The following FBXW11 variants were observed in gnomAD, a reference collection of about 807,000 sequenced individuals.
The protein encoded by FBXW11 is F-box/WD repeat-containing protein 11.
A neutral mutation model predicts 77.6 loss-of-function variants in FBXW11; 19 were observed. The ratio of observed to expected loss-of-function variants is 0.24; its 90% CI spans 0.17 to 0.36. The LOEUF (loss-of-function observed/expected upper bound fraction) is 0.36, where lower values mean the gene tolerates loss of function less well. Ranked by LOEUF, FBXW11 falls within the 10% of genes least tolerant of loss-of-function variation. The pLI is 1.00. For missense variants in FBXW11, 334 were observed against 704.2 expected, an observed-to-expected ratio of 0.47 and a Z score of 5.95; for synonymous variants, 235 against 249.4, an observed-to-expected ratio of 0.94 and a Z score of 0.54.
chr5:171,967,883 T>TATACAC (rs1244744249), intron 1 of FBXW11, among the ~76,000 whole-genome samples: 16 of 74,970 alleles, frequency 2.1e-4, no homozygotes, highest in African/African-American at 3.6e-4. Flanking sequence ...TATATATATA[T>TATACAC]ACACACACAC....
intron 13 of FBXW11, among the ~76,000 whole-genome samples, chr5:171,866,358 C>A (rs539493723): frequency 6.6e-6 from 1 of 151,972 alleles, no homozygotes; most frequent in South Asian, 2.1e-4. Flanking sequence ...AAGAGACAAA[C>A]ACATTTGTGG....
At chr5:171,889,242 CT>C (rs1479341359) in intron 7 of FBXW11, among the ~76,000 whole-genome samples, 1 of 152,108 alleles carries the variant, frequency 6.6e-6, no homozygotes, top group Non-Finnish European at 1.5e-5. Context: ...AAATTAAAAT[CT>C]TCTGTCAAGT....
chr5:171,972,550 CTT>C (rs1192771354), intron 1 of FBXW11, among the ~76,000 whole-genome samples: 1 of 105,124 alleles, frequency 9.5e-6, no homozygotes, highest in Non-Finnish European at 2.0e-5. Flanking sequence ...AGGACTAAAA[CTT>C]TTTTTTTTTT....
At chr5:171,878,494 G>A (rs975720062) in intron 7 of FBXW11, among the ~76,000 whole-genome samples, 1 of 151,876 alleles carries the variant, frequency 6.6e-6, no homozygotes, top group Admixed American at 6.6e-5. Flanking sequence ...CAGAAGGATC[G>A]CTTGAGCCCA....
rs1251076406 is a variant in FBXW11 at position 171,876,733 on chromosome 5, T to C, written c.972-199A>G. 2.6e-5 allele frequency among the ~76,000 whole-genome samples: 4 copies of C among 152,212 alleles called. No homozygotes were observed. Among genetic ancestry groups the C allele is most frequent in the Non-Finnish European group, 5.9e-5 (4 of 68,030 alleles). ...TTGGGTCATGGTGGTGTATCACTCA[T>C]GAATGGCTTGGTGCCATTCTCATAG... On this transcript the variant is annotated intron_variant, in intron 8 of 13. Transcript: ENST00000517395. The surrounding 1 kb of genome is among the most constrained non-coding windows in gnomAD (Gnocchi z 4.2).
intron 4 of FBXW11, among the ~76,000 whole-genome samples, chr5:171,906,911 T>A (rs1456653226): frequency 6.6e-6 from 1 of 152,180 alleles, no homozygotes; most frequent in Non-Finnish European, 1.5e-5. Flanking sequence ...TGGCTTATCA[T>A]CCTTTCTTGG....
chr5:171,878,603 A>AGAGAGTGTGTGTGT (rs138423567), intron 7 of FBXW11, among the ~76,000 whole-genome samples: 1 of 128,582 alleles, frequency 7.8e-6, no homozygotes, highest in African/African-American at 2.9e-5. Flanking sequence ...AGAGAGAGAG[A>AGAGAGTGTGTGTGT]GTGTGTGTGT....
At chr5:171,960,590 C>G (rs1182939359) in intron 1 of FBXW11, among the ~76,000 whole-genome samples, 8 of 152,106 alleles carry the variant, frequency 5.3e-5, no homozygotes, top group Admixed American at 5.2e-4. Flanking sequence ...TTTTAAAAGG[C>G]AATTTTTCAC....
chr5:171,909,918 T>C (rs1299055573), intron 4 of FBXW11, among the ~76,000 whole-genome samples: 5 of 152,128 alleles, frequency 3.3e-5, no homozygotes, highest in African/African-American at 9.7e-5. Context: ...ATACAAACTA[T>C]GTTTGAAGGG....
rs79285183 is a variant in FBXW11, at chr5:171,911,121, A to T, written c.211-324T>A. 7.2e-4 allele frequency among the ~76,000 whole-genome samples: 110 copies of T among 152,354 alleles called. No individual in the cohort carries two copies. The East Asian group carries it at 0.017, about 23-fold the overall frequency. On this transcript the variant is annotated intron_variant, in intron 3 of 13. Coordinates refer to ENST00000517395, the MANE Select transcript of FBXW11 (RefSeq NM_001378974.1). Reference sequence around the variant, plus strand: ...ATACACGGGATATATATGAATTATCATCTCCAAAGATAGCTAATGCTGGAG... The same window carrying T: ...ATACACGGGATATATATGAATTATCTTCTCCAAAGATAGCTAATGCTGGAG...
intron 1 of FBXW11, among the ~76,000 whole-genome samples, chr5:171,989,400 T>A (rs915282280): frequency 2.0e-5 from 3 of 152,260 alleles, no homozygotes; most frequent in African/African-American, 7.2e-5. Context: ...GCATTGCTCA[T>A]AACGGGATAA....
intron 1 of FBXW11, chr5:171,997,006 T>A: frequency 7.8e-7 from 1 of 1,289,880 alleles, no homozygotes; most frequent in South Asian, 1.2e-5. Flanking sequence ...TTCCGTTTAC[T>A]GTATCCAGCT....
chr5:171,939,017 C>T (rs1301043037), intron 2 of FBXW11, among the ~76,000 whole-genome samples: 2 of 151,922 alleles, frequency 1.3e-5, no homozygotes, highest in Non-Finnish European at 2.9e-5. Flanking sequence ...AGGTGGATCA[C>T]GAGGTCAGGA....
At chr5:171,954,085 T>C (rs1763495715) in intron 2 of FBXW11, among the ~76,000 whole-genome samples, 1 of 152,086 alleles carries the variant, frequency 6.6e-6, no homozygotes. Context: ...ACTAACACTC[T>C]CCCCCAGCTG....
At chr5:171,914,260 G>C in intron 3 of FBXW11, 83 bp downstream of exon 3, 1 of 1,159,046 alleles carries the variant, frequency 8.6e-7, no homozygotes, top group South Asian at 1.6e-5. Context: ...CTTGGCTCTT[G>C]ATTCCACTGA....
At chr5:171,897,761 G>GA (rs944623871) in intron 6 of FBXW11, among the ~76,000 whole-genome samples, 120 of 141,078 alleles carry the variant, frequency 8.5e-4, no homozygotes, top group South Asian at 3.2e-3. Flanking sequence ...CTCATCAAGT[G>GA]AAAAAAAAAA....
chr5:171,924,734 G>A (rs774065281), intron 2 of FBXW11, among the ~76,000 whole-genome samples: 1 of 152,094 alleles, frequency 6.6e-6, no homozygotes, highest in Non-Finnish European at 1.5e-5. Flanking sequence ...GATTAAATGA[G>A]CTGTAACATA....
chr5:171,985,773 G>A (rs544347047), intron 1 of FBXW11, among the ~76,000 whole-genome samples: 8 of 151,804 alleles, frequency 5.3e-5, no homozygotes, highest in African/African-American at 1.7e-4. Flanking sequence ...ACCCTGTACC[G>A]AAAAATAAAA....
At chr5:171,937,015 G>A (rs1036979652) in intron 2 of FBXW11, among the ~76,000 whole-genome samples, 1 of 152,228 alleles carries the variant, frequency 6.6e-6, no homozygotes, top group Non-Finnish European at 1.5e-5. Context: ...GGAATTCTCT[G>A]TGAATCCACA....
Sources: allele counts gnomAD v4.1 joint callset (sites outside exome capture counted in the v4.1 genomes callset), GRCh38; gene constraint gnomAD v4.1.1; non-coding constraint Gnocchi (gnomAD v3.1); transcripts MANE v1.5; gene names NCBI Gene and HGNC (gene_info 2026-07-23, HGNC 2026-07-21).